Variants in NCOA1 observed in about 807,000 individuals in gnomAD.
The protein encoded by NCOA1 is Hin-2 protein.
In NCOA1, 35 loss-of-function variants were observed where a neutral mutation model predicts 150.9. That is an observed-to-expected ratio of 0.23 (90% CI 0.18 to 0.31). The LOEUF is 0.31. Among genes scored for constraint, NCOA1 ranks in the 10% least tolerant of loss-of-function variants. The pLI is 1.00. For missense variants in NCOA1, 1,491 were observed against 1,749.3 expected, an observed-to-expected ratio of 0.85 and a Z score of 2.63; for synonymous variants, 590 against 630.0, an observed-to-expected ratio of 0.94 and a Z score of 0.95.
In NCOA1 at chr2:24,538,654, C is replaced by T. The variant is rs74743224; in HGVS notation, c.-395-25641C>T. Among the ~76,000 whole-genome samples, 896 of 152,260 alleles carry T rather than the reference C, an allele frequency of 5.9e-3. 5 individuals are homozygous for T. Among genetic ancestry groups the T allele is most frequent in the Non-Finnish European group, 6.3e-3 (429 of 68,000 alleles). ...TGTATATACTTTTATTCTATTTTTT[C>T]TTGAAGGAAAAGTTAAGTGACTTTC... On this transcript the variant is annotated intron_variant, in intron 1 of 22. Transcript: ENST00000348332.
chr2:24,728,432 C>T lies in NCOA1; in HGVS notation c.2842C>T (p.Leu948=). 2.5e-6 allele frequency: 4 copies of T among 1,613,908 alleles called. No homozygotes were observed. Among genetic ancestry groups the T allele is most frequent in the Non-Finnish European group, 3.4e-6 (4 of 1,179,900 alleles). ...SFLSGKDETE[L]AELDRALGID... ...CCTTAGTGGCAAAGATGAAACTGAGCTAGCTGAACTAGACAGAGCTCTGGG... is the reference window on the plus strand; with the variant it reads ...CCTTAGTGGCAAAGATGAAACTGAGTTAGCTGAACTAGACAGAGCTCTGGG... Residue 948 remains leucine (L), a synonymous_variant, in exon 16 of 23, where the codon CTA becomes TTA. Coordinates refer to ENST00000348332, the MANE Select transcript of NCOA1 (RefSeq NM_003743.5).
At chr2:24,569,144 T>C (rs540526611) in intron 2 of NCOA1, among the ~76,000 whole-genome samples, 1 of 152,044 alleles carries the variant, frequency 6.6e-6, no homozygotes, top group African/African-American at 2.4e-5. Flanking sequence ...CATGATTTAG[T>C]GTTGAAGAAA....
chr2:24,737,943 A>G (rs906383879), intron 17 of NCOA1, among the ~76,000 whole-genome samples: 3 of 152,200 alleles, frequency 2.0e-5, no homozygotes, highest in African/African-American at 7.2e-5. Context: ...TGGTCTTTCA[A>G]GTTTAAGAAG....
intron 5 of NCOA1, among the ~76,000 whole-genome samples, chr2:24,663,983 A>G (rs1199847956): frequency 1.3e-5 from 2 of 152,234 alleles, no homozygotes; most frequent in African/African-American, 4.8e-5. Context: ...GTTTAGATCC[A>G]TGGATTTAAA....
intron 1 of NCOA1, among the ~76,000 whole-genome samples, chr2:24,498,445 C>T (rs112633781): frequency 8.6e-4 from 131 of 152,210 alleles, no homozygotes; most frequent in African/African-American, 2.9e-3. Flanking sequence ...GAGACAGGTC[C>T]TGAAACAGTG....
Position 24,684,014 on chromosome 2 carries a change from A to T in NCOA1, c.532+886A>T, listed in dbSNP as rs559309404. ...TACCACACATCAGTTTTTCAGACAG[A>T]TACTGTGTGATAAAGTATCTGAGTT... On this transcript the variant is annotated intron_variant, in intron 8 of 22. Transcript: ENST00000348332. 2.0e-5 allele frequency among the ~76,000 whole-genome samples: 3 copies of T among 152,336 alleles called. No individual in the cohort carries two copies. The South Asian group carries it at 6.2e-4, about 32-fold the overall frequency.
rs144824715 is a variant in NCOA1, at chr2:24,733,827, G to A, written c.3201+4012G>A. Among the ~76,000 whole-genome samples the A allele has an allele frequency of 5.3e-5, 8 of 152,152 alleles. No homozygotes were observed. In the East Asian group the frequency reaches 1.5e-3, roughly 29 times the overall value. On this transcript the variant is annotated intron_variant, in intron 17 of 22. Transcript: ENST00000348332. The stretch of plus-strand genomic sequence containing the variant: ...AGAACAAATAGAGTAGTTCAGCAAG[G>A]ATTTTAGATAAAAGAACAAGAAACA...
chr2:24,553,083 G>A (rs1270231802), intron 1 of NCOA1, among the ~76,000 whole-genome samples: 1 of 152,186 alleles, frequency 6.6e-6, no homozygotes, highest in Non-Finnish European at 1.5e-5. Context: ...CATCTTAGGA[G>A]ACAACGTTTA....
At chr2:24,502,377 C>CT (rs916599689) in intron 1 of NCOA1, among the ~76,000 whole-genome samples, 9 of 151,976 alleles carry the variant, frequency 5.9e-5, no homozygotes, top group African/African-American at 1.4e-4. Flanking sequence ...CTTAATTATT[C>CT]TTTTTTTTCT....
At chr2:24,611,874 C>T (rs539755173) in intron 3 of NCOA1, among the ~76,000 whole-genome samples, 1 of 151,894 alleles carries the variant, frequency 6.6e-6, no homozygotes, top group Non-Finnish European at 1.5e-5. Flanking sequence ...TAATCCAATT[C>T]ATCTCTGTGC....
At chr2:24,637,083 TTTA>T (rs575027162) in intron 3 of NCOA1, among the ~76,000 whole-genome samples, 22 of 151,510 alleles carry the variant, frequency 1.5e-4, no homozygotes, top group African/African-American at 3.4e-4. Flanking sequence ...AAATCTTTTT[TTTA>T]TTATTATTAT....
chr2:24,511,124 T>C (rs1336228418), intron 1 of NCOA1, among the ~76,000 whole-genome samples: 1 of 152,248 alleles, frequency 6.6e-6, no homozygotes, highest in Non-Finnish European at 1.5e-5. Flanking sequence ...CTGACTTCTT[T>C]CACTTAGTGT....
At chr2:24,522,558 C>G (rs1357165297) in intron 1 of NCOA1, among the ~76,000 whole-genome samples, 8 of 152,098 alleles carry the variant, frequency 5.3e-5, no homozygotes, top group Non-Finnish European at 1.2e-4. Flanking sequence ...GAGTGTACAC[C>G]AGACGGAGTG....
intron 3 of NCOA1, among the ~76,000 whole-genome samples, chr2:24,628,260 A>G (rs576955307): frequency 1.3e-5 from 2 of 151,268 alleles, no homozygotes; most frequent in East Asian, 3.9e-4. Context: ...AGATTGTGCC[A>G]TTGCACTCCA....
intron 1 of NCOA1, among the ~76,000 whole-genome samples, chr2:24,503,789 T>C (rs1558747458): frequency 6.6e-6 from 1 of 150,806 alleles, no homozygotes; most frequent in South Asian, 2.1e-4. Context: ...AGGCTGGATG[T>C]GGTGGTGTGA....
rs376852791 is a variant in NCOA1 at position 24,629,003 on chromosome 2, T to G, written c.-174-14963T>G. Reference sequence around the variant, plus strand: ...GATAAGGTGGGGCTTGGTGATTGAATAAATAAAGTGTGATAGTGTAAAAAT... The same window carrying G: ...GATAAGGTGGGGCTTGGTGATTGAAGAAATAAAGTGTGATAGTGTAAAAAT... On this transcript the variant is annotated intron_variant, in intron 3 of 22. Transcript: ENST00000348332. 2.2e-4 allele frequency among the ~76,000 whole-genome samples: 34 copies of G among 152,206 alleles called. 1 individual carries two copies. The highest frequency in any genetic ancestry group is 8.2e-4 in the African/African-American group (34 of 41,538).
chr2:24,721,354 C>G (rs925899489), intron 14 of NCOA1, among the ~76,000 whole-genome samples: 3 of 152,102 alleles, frequency 2.0e-5, no homozygotes, highest in African/African-American at 7.2e-5. Flanking sequence ...TGCTTTCTTT[C>G]TCCTGTTGAC....
chr2:24,705,299 T>A, intron 12 of NCOA1, 66 bp downstream of exon 12: 1 of 1,503,726 alleles, frequency 6.7e-7, no homozygotes, highest in African/African-American at 1.4e-5. Flanking sequence ...TAGAGAAATT[T>A]TTTATACTCT....
At chr2:24,527,367 A>G (rs1558767216) in intron 1 of NCOA1, among the ~76,000 whole-genome samples, 1 of 152,084 alleles carries the variant, frequency 6.6e-6, no homozygotes, top group Non-Finnish European at 1.5e-5. Flanking sequence ...CTCTCTCTGT[A>G]CATTTGACTT....
Sources: allele counts gnomAD v4.1 joint callset (sites outside exome capture counted in the v4.1 genomes callset), GRCh38; gene constraint gnomAD v4.1.1; transcripts MANE v1.5; gene names NCBI Gene and HGNC (gene_info 2026-07-23, HGNC 2026-07-21).